The following NFX1 variants were observed in gnomAD, a reference collection of about 807,000 sequenced individuals.
NFX1 encodes the protein transcriptional repressor NF-X1.
In NFX1, 69 loss-of-function variants were observed where a neutral mutation model predicts 137.2. That is an observed-to-expected ratio of 0.50 (90% confidence interval 0.41 to 0.61). The LOEUF is 0.61. Among genes scored for constraint, NFX1 ranks in the 20% least tolerant of loss-of-function variants. The probability of loss-of-function intolerance (pLI) is 0.00; values close to 1 mark genes in which losing one functional copy is unlikely to be tolerated. For synonymous variants in NFX1, 495 were observed against 474.1 expected, an observed-to-expected ratio of 1.04 and a Z score of -0.57; for missense variants, 1,167 against 1,391.0, an observed-to-expected ratio of 0.84 and a Z score of 2.56.
intron 9 of NFX1, among the ~76,000 whole-genome samples, chr9:33,320,262 G>C (rs1271356552): frequency 6.6e-6 from 1 of 152,134 alleles, no homozygotes; most frequent in African/African-American, 2.4e-5. Flanking sequence ...ACCATGCCCG[G>C]CTGGATGAAT....
chr9:33,297,798 C>T (rs1821412063), intron 2 of NFX1, among the ~76,000 whole-genome samples: 1 of 152,156 alleles, frequency 6.6e-6, no homozygotes, highest in Admixed American at 6.5e-5. Flanking sequence ...GCAGCTGCTG[C>T]CACTTCAGAT....
At chr9:33,313,517 T>C (rs1457969942) in intron 6 of NFX1, 137 bp from the exon 7 acceptor site, 1 of 684,922 alleles carries the variant, frequency 1.5e-6, no homozygotes, top group Non-Finnish European at 2.5e-6. Context: ...GAGGGAGACA[T>C]AGGAAAAAGT....
intron 12 of NFX1, 123 bp from the exon 13 acceptor site, chr9:33,342,623 G>A: frequency 1.4e-6 from 1 of 708,094 alleles, no homozygotes; most frequent in Non-Finnish European, 2.3e-6. Flanking sequence ...TATTTTGAAG[G>A]TATTTCCAGA....
At chr9:33,323,464 A>G (rs1822459973) in intron 9 of NFX1, among the ~76,000 whole-genome samples, 1 of 152,194 alleles carries the variant, frequency 6.6e-6, no homozygotes, top group Admixed American at 6.5e-5. Flanking sequence ...AAATATGTTC[A>G]AAGAACTGGG....
intron 19 of NFX1, among the ~76,000 whole-genome samples, chr9:33,355,301 T>C (rs887666574): frequency 1.3e-5 from 2 of 152,226 alleles, no homozygotes; most frequent in African/African-American, 4.8e-5. Flanking sequence ...ATCATTTGTG[T>C]CACTAAATGA....
At chr9:33,326,128 G>T (rs534199768) in intron 9 of NFX1, among the ~76,000 whole-genome samples, 2 of 151,882 alleles carry the variant, frequency 1.3e-5, no homozygotes, top group African/African-American at 4.8e-5. Flanking sequence ...TGTATAAGAG[G>T]GGGGCTAGGC....
Position 33,307,256 on chromosome 9 carries a change from A to G in NFX1, c.1333A>G (p.Arg445Gly). 3 of 1,614,198 alleles carry G rather than the reference A, an allele frequency of 1.9e-6. 1 individual carries two copies. Among genetic ancestry groups the G allele is most frequent in the Non-Finnish European group, 2.5e-6 (3 of 1,180,014 alleles). The change falls in exon 5 of 24, where the codon AGA becomes GGA. Residue 445 changes from arginine to glycine, a missense_variant. Arg to Gly is a moderately radical substitution (Grantham distance 125). This residue lies in a region of NFX1 where 488 missense variants were observed against 691.5 expected (regional missense o/e 0.71). Transcript: ENST00000379540. ...TCCACATAGCTGTGGTGAGGTTTGT[A>G]GAAAGAAACAGCCTGGCCAGGACTG... ...EIPHSCGEVC[R>G]KKQPGQDCPH...
At chr9:33,345,312 A>G (rs973820146) in intron 14 of NFX1, among the ~76,000 whole-genome samples, 1 of 152,058 alleles carries the variant, frequency 6.6e-6, no homozygotes, top group Non-Finnish European at 1.5e-5. Context: ...CCCTGTCTCT[A>G]CTAAAAATAC....
chr9:33,366,648 GC>G lies in NFX1; in HGVS notation c.3061del (p.His1021ThrfsTer6). The G allele has an allele frequency of 6.2e-7, 1 of 1,614,082 alleles. No homozygotes were observed. Among genetic ancestry groups the G allele is most frequent in the Non-Finnish European group, 8.5e-7 (1 of 1,180,018 alleles). ...ATACAGGGAAAGAATAGTAAGAAAAGCCACAGCTTCCCTCCCATGAACAGAG... is the reference window on the plus strand; with the variant it reads ...ATACAGGGAAAGAATAGTAAGAAAAGCACAGCTTCCCTCCCATGAACAGAG... ...AVNKGKNSKKSHSFPPMNRDH... is the reference protein window; with the variant it reads ...AVNKGKNSKKXHSFPPMNRDH... On this transcript the variant is annotated frameshift_variant, in exon 22 of 24. Transcript: ENST00000379540. LOFTEE classifies it high-confidence loss of function.
At chr9:33,357,621 T>C (rs1823853771) in intron 19 of NFX1, among the ~76,000 whole-genome samples, 1 of 152,006 alleles carries the variant, frequency 6.6e-6, no homozygotes, top group African/African-American at 2.4e-5. Context: ...ACCCTTGAAC[T>C]CCTGGGCTCA....
rs199968250 is a variant in NFX1, at chr9:33,295,076, T to A, written c.682T>A (p.Leu228Met). The A allele has an allele frequency of 1.2e-4, 189 of 1,614,010 alleles. No individual in the cohort carries two copies. In the East Asian group the frequency reaches 4.1e-3, roughly 35 times the overall value. The part of the protein sequence containing the change: ...SSEASSRKGV[L>M]DGYGARRNEQ... ...AGAGGCATCCTCTAGAAAAGGAGTA[T>A]TGGATGGGTATGGAGCCAGACGAAA... Residue 228 changes from leucine to methionine, a missense_variant, in exon 2 of 24, where the codon TTG (leucine) becomes ATG (methionine). This residue lies in a region of NFX1 where 367 missense variants were observed against 386.7 expected (regional missense o/e 0.95). Transcript: ENST00000379540.
At chr9:33,319,984 CAG>C (rs1822323843) in intron 9 of NFX1, among the ~76,000 whole-genome samples, 1 of 146,004 alleles carries the variant, frequency 6.8e-6, no homozygotes. Context: ...TTTTTTGAGA[CAG>C]AGTCTCGCTC....
intron 4 of NFX1, among the ~76,000 whole-genome samples, chr9:33,305,798 G>A (rs1055047914): frequency 1.3e-5 from 2 of 152,204 alleles, no homozygotes; most frequent in Non-Finnish European, 2.9e-5. Context: ...CTACAGTTTA[G>A]AAATGTTGAG....
intron 13 of NFX1, 31 bp from the exon 14 acceptor site, chr9:33,344,038 G>T (rs748479632): frequency 6.2e-7 from 1 of 1,613,194 alleles, no homozygotes; most frequent in South Asian, 1.1e-5. Context: ...ACTCAGAAAG[G>T]ATTCTTTTGT....
At chr9:33,296,358 C>A (rs548641642) in intron 2 of NFX1, among the ~76,000 whole-genome samples, 1 of 152,268 alleles carries the variant, frequency 6.6e-6, no homozygotes, top group African/African-American at 2.4e-5. Context: ...TTTGTCTTTG[C>A]ATGGTGTTGC....
At chr9:33,333,792 A>G (rs1162208246) in intron 11 of NFX1, among the ~76,000 whole-genome samples, 5 of 152,198 alleles carry the variant, frequency 3.3e-5, no homozygotes, top group Non-Finnish European at 5.9e-5. Context: ...TCAAAACCGT[A>G]TTTAAACTTT....
intron 9 of NFX1, among the ~76,000 whole-genome samples, chr9:33,324,105 A>C (rs1461755611): frequency 6.6e-6 from 1 of 152,170 alleles, no homozygotes; most frequent in African/African-American, 2.4e-5. Flanking sequence ...TAGGCCAGGC[A>C]CAGTGGCTCA....
intron 14 of NFX1, among the ~76,000 whole-genome samples, chr9:33,344,727 A>G (rs1823350523): frequency 6.6e-6 from 1 of 151,928 alleles, no homozygotes; most frequent in Admixed American, 6.6e-5. Flanking sequence ...TTAGCTGGGC[A>G]TGGTGGTGCA....
Position 33,294,934 on chromosome 9 carries a change from A to G in NFX1, c.540A>G (p.Arg180=). The part of the protein sequence containing the change: ...KATQFVYSYG[R]GPKVKGKLKC... ...CACAGTTTGTATACAGCTATGGTAG[A>G]GGACCAAAAGTCAAGGGGAAACTCA... is the stretch of plus-strand genomic sequence containing the variant. Residue 180 remains arginine (R), a synonymous_variant, in exon 2 of 24, where the codon AGA becomes AGG. Transcript: ENST00000379540. 1 of 1,614,178 alleles carries G rather than the reference A, an allele frequency of 6.2e-7. No homozygotes were observed. Among genetic ancestry groups the G allele is most frequent in the Non-Finnish European group, 8.5e-7 (1 of 1,180,018 alleles).
Sources: gnomAD v4.1 joint callset for allele counts (sites outside exome capture counted in the v4.1 genomes callset) on GRCh38, gnomAD v4.1.1 for gene constraint, gnomAD v4.1.1 regional missense constraint, MANE v1.5 for transcripts, NCBI Gene and HGNC (gene_info 2026-07-23, HGNC 2026-07-21) for gene names.